PTPRR: variants seen among roughly 807,000 people sequenced by gnomAD.
PTPRR encodes receptor-type tyrosine-protein phosphatase R.
PTPRR carries 38 observed loss-of-function variants against 77.2 expected under a neutral mutation model. The observed-to-expected ratio is 0.49, with a 90% CI of 0.38 to 0.65. PTPRR has a LOEUF of 0.65. Among genes scored for constraint, PTPRR ranks in the 30% least tolerant of loss-of-function variants. The pLI, the probability that PTPRR is intolerant of heterozygous loss-of-function variation, is 0.00. For missense variants in PTPRR, 744 were observed against 799.2 expected (o/e 0.93, Z 0.83); for synonymous variants, 299 against 283.1 (o/e 1.06, Z -0.57).
chr12:70,895,326 A>G (rs1340941029), intron 1 of PTPRR, among the ~76,000 whole-genome samples: 1 of 151,688 alleles, frequency 6.6e-6, no homozygotes, highest in Non-Finnish European at 1.5e-5. Flanking sequence ...TTCTTTTTAT[A>G]TATTATCAAT....
In PTPRR at chr12:70,660,829, T is replaced by C. The variant is rs963834933; in HGVS notation, c.1766+111A>G. ...CAGACTTAACCAATTTCAATAAATA[T>C]TTAATTTGCCAACAAAGTCACATCC... On this transcript the variant is annotated intron_variant, in intron 12 of 13. Coordinates refer to ENST00000283228, the MANE Select transcript of PTPRR (RefSeq NM_002849.4). 4.6e-6 allele frequency: 5 copies of C among 1,091,404 alleles called. No individual in the cohort carries two copies. In the African/African-American group the frequency reaches 8.0e-5, roughly 18 times the overall value. 67.6% of individuals were successfully genotyped at this position (1,091,404 alleles called of 1,614,324 possible). A position where few individuals can be genotyped will look rare whatever the true frequency, so the allele number is the denominator to read the frequency against.
chr12:70,701,188 A>G lies in PTPRR; in HGVS notation c.1143T>C (p.Ser381=). The part of the protein sequence containing the change: ...LQSASRILTR[S]QLRDVVASSH... ...AACTTGCCACGACGTCCCTCAGCTG[A>G]GACCTTGTGAGAATTCGGCTGGCTG... is the stretch of plus-strand genomic sequence containing the variant. Residue 381 remains serine, a synonymous_variant, in exon 7 of 14, where the codon TCT becomes TCC. Coordinates refer to ENST00000283228, the MANE Select transcript of PTPRR (RefSeq NM_002849.4). The G allele has an allele frequency of 6.2e-7, 1 of 1,613,990 alleles. No homozygotes were observed. Among genetic ancestry groups the G allele is most frequent in the Non-Finnish European group, 8.5e-7 (1 of 1,179,954 alleles).
At chr12:70,774,941 T>G (rs1409547222) in intron 2 of PTPRR, among the ~76,000 whole-genome samples, 1 of 152,214 alleles carries the variant, frequency 6.6e-6, no homozygotes, top group Admixed American at 6.5e-5. Context: ...GATATAAATT[T>G]TCACAGCAGT....
In PTPRR at chr12:70,892,680, A is replaced by G. The variant is rs1401637837; in HGVS notation, c.356T>C (p.Val119Ala). The G allele has an allele frequency of 1.2e-6, 2 of 1,612,902 alleles. No homozygotes were observed. Among genetic ancestry groups the G allele is most frequent in the East Asian group, 4.5e-5 (2 of 44,868 alleles). The change falls in exon 2 of 14, where the codon GTG becomes GCG. Residue 119 changes from valine to alanine, a missense_variant and splice_region_variant. Physicochemically the swap from Val to Ala is moderately conservative, Grantham distance 64. Around this residue, in one of 3 missense-constraint regions of PTPRR, gnomAD observed 570 missense variants for 573.2 expected, o/e 0.99. Coordinates refer to ENST00000283228, the MANE Select transcript of PTPRR (RefSeq NM_002849.4). ...LPIPAANVIV[V>A]TLQMDVNKLN... ...GCATCAGTTTAACATACTACTTACC[A>G]CCACAATTACATTTGCTGCTGGGAT...
At chr12:70,718,404 T>C (rs1889115655) in intron 6 of PTPRR, among the ~76,000 whole-genome samples, 1 of 152,200 alleles carries the variant, frequency 6.6e-6, no homozygotes, top group African/African-American at 2.4e-5. Context: ...TAGCTGGGAT[T>C]ACAGGCGTGT....
chr12:70,890,605 G>GA (rs1222173473), intron 2 of PTPRR, among the ~76,000 whole-genome samples: 2 of 151,686 alleles, frequency 1.3e-5, no homozygotes, highest in East Asian at 1.9e-4. Context: ...ACCCTGGCTG[G>GA]AAAAAAAATG....
chr12:70,833,644 T>C (rs868813046), intron 2 of PTPRR, among the ~76,000 whole-genome samples: 2 of 152,166 alleles, frequency 1.3e-5, no homozygotes, highest in Non-Finnish European at 2.9e-5. Context: ...ACCATAAGCC[T>C]CAATTGGTGG....
At chr12:70,905,238 T>G (rs1360816509) in intron 1 of PTPRR, among the ~76,000 whole-genome samples, 1 of 151,888 alleles carries the variant, frequency 6.6e-6, no homozygotes, top group Non-Finnish European at 1.5e-5. Flanking sequence ...GTGTCTATAT[T>G]TTCTGTGTAG....
At chr12:70,888,404 C>T (rs1051188294) in intron 2 of PTPRR, among the ~76,000 whole-genome samples, 7 of 152,166 alleles carry the variant, frequency 4.6e-5, no homozygotes, top group African/African-American at 1.7e-4. Flanking sequence ...CATATGGACT[C>T]AGATTGCTCT....
chr12:70,809,978 C>T (rs559944171), intron 2 of PTPRR, among the ~76,000 whole-genome samples: 123 of 152,222 alleles, frequency 8.1e-4, no homozygotes, highest in Middle Eastern at 6.8e-3. Flanking sequence ...TTTAGATGGA[C>T]TTCGAAATGG....
At position 70,639,020 on chromosome 12, in the gene PTPRR, G is replaced by C. The variant is rs976222958; in HGVS notation, c.*164C>G. The C allele has an allele frequency of 2.2e-5, 14 of 647,540 alleles. No individual in the cohort carries two copies. Among genetic ancestry groups the C allele is most frequent in the Non-Finnish European group, 2.7e-6 (1 of 367,292 alleles). 40.1% of individuals were successfully genotyped at this position (647,540 alleles called of 1,614,324 possible). The stretch of plus-strand genomic sequence containing the variant: ...ACAAATGCATTCATATACACAAGGA[G>C]CTGGAAATCTTAAATATGTTGCCCA... On this transcript the variant is annotated 3_prime_UTR_variant, in exon 14 of 14. Coordinates refer to ENST00000283228, the MANE Select transcript of PTPRR (RefSeq NM_002849.4).
chr12:70,832,569 T>TA (rs1892233027), intron 2 of PTPRR, among the ~76,000 whole-genome samples: 2 of 152,008 alleles, frequency 1.3e-5, no homozygotes, highest in Non-Finnish European at 2.9e-5. Context: ...TACTTGCAGG[T>TA]GACATGGTTA....
chr12:70,765,470 C>T (rs915360483), intron 2 of PTPRR, among the ~76,000 whole-genome samples: 27 of 152,202 alleles, frequency 1.8e-4, no homozygotes, highest in African/African-American at 6.5e-4. Context: ...GGGTGCCCGC[C>T]ATTGCCCAGG....
chr12:70,769,993 T>C (rs571580243), intron 2 of PTPRR, among the ~76,000 whole-genome samples: 170 of 152,214 alleles, frequency 1.1e-3, no homozygotes, highest in African/African-American at 3.9e-3. Flanking sequence ...CCTTACACCT[T>C]ATACAAAAAT....
intron 4 of PTPRR, among the ~76,000 whole-genome samples, chr12:70,761,198 G>A (rs536207309): frequency 6.6e-6 from 1 of 152,234 alleles, no homozygotes; most frequent in East Asian, 1.9e-4. Flanking sequence ...CTTTCTTCTA[G>A]AAAATTTACT....
At chr12:70,663,611 A>C (rs998144345) in intron 10 of PTPRR, among the ~76,000 whole-genome samples, 3 of 152,230 alleles carry the variant, frequency 2.0e-5, no homozygotes, top group African/African-American at 7.2e-5. Context: ...AATGAGATTC[A>C]AGCATACATA....
At chr12:70,644,050 C>T (rs1886107856) in intron 13 of PTPRR, among the ~76,000 whole-genome samples, 1 of 151,732 alleles carries the variant, frequency 6.6e-6, no homozygotes, top group Non-Finnish European at 1.5e-5. Flanking sequence ...AAGGACTTTC[C>T]AATACAGTAC....
In PTPRR at chr12:70,778,693, TG is replaced by T. The variant is rs141666470; in HGVS notation, c.358-13916del. ...TTAAATGTGATTTCAATTTCTCTAA[TG>T]TTTTTTTTTACTGCCATCATTTCAC... On this transcript the variant is annotated intron_variant, in intron 2 of 13. Transcript: ENST00000283228. Among the ~76,000 whole-genome samples, 1,320 of 152,280 alleles carry T rather than the reference TG, an allele frequency of 8.7e-3. 18 individuals carry two copies. Among genetic ancestry groups the T allele is most frequent in the African/African-American group, 0.03 (1,258 of 41,538 alleles).
intron 2 of PTPRR, among the ~76,000 whole-genome samples, chr12:70,853,986 A>G (rs551145905): frequency 6.6e-6 from 1 of 152,316 alleles, no homozygotes; most frequent in East Asian, 1.9e-4. Context: ...AAGTAGCTAC[A>G]ATATCATCAT....
Sources: allele counts gnomAD v4.1 joint callset (sites outside exome capture counted in the v4.1 genomes callset), GRCh38; gene constraint gnomAD v4.1.1; regional missense constraint gnomAD v4.1.1; transcripts MANE v1.5; gene names NCBI Gene and HGNC (gene_info 2026-07-23, HGNC 2026-07-21).